The following CREB5 variants were observed in gnomAD, a reference collection of about 807,000 sequenced individuals.
CREB5 encodes cAMP responsive element binding protein 5, also known as cyclic AMP-responsive element-binding protein 5.
Under a neutral mutation model 57.1 loss-of-function variants are expected in CREB5, and 19 were observed. The observed-to-expected ratio is 0.33, with a 90% CI of 0.23 to 0.49. CREB5 has a LOEUF of 0.49. Ranked by LOEUF, CREB5 falls within the 20% of genes least tolerant of loss-of-function variation. The probability of loss-of-function intolerance (pLI) is 0.99; values close to 1 mark genes in which losing one functional copy is unlikely to be tolerated. For missense variants in CREB5, 579 were observed against 671.6 expected (o/e 0.86, Z 1.52); for synonymous variants, 238 against 238.3 (o/e 1.00, Z 0.01).
chr7:28,420,326 A>C (rs933250166), intron 1 of CREB5, among the ~76,000 whole-genome samples: 5 of 152,234 alleles, frequency 3.3e-5, no homozygotes, highest in African/African-American at 1.2e-4. Context: ...GCTTAAGAGT[A>C]AATCATGTGG....
chr7:28,760,616 C>T (rs1805588364), intron 7 of CREB5, among the ~76,000 whole-genome samples: 1 of 151,990 alleles, frequency 6.6e-6, no homozygotes, highest in African/African-American at 2.4e-5. Flanking sequence ...CACACAAAAA[C>T]CTATTTATGA....
intron 5 of CREB5, among the ~76,000 whole-genome samples, chr7:28,651,910 T>G (rs1799142716): frequency 6.6e-6 from 1 of 152,338 alleles, no homozygotes; most frequent in Middle Eastern, 3.4e-3. Flanking sequence ...TCATGAGAGC[T>G]GAATTCCAGT....
chr7:28,410,973 C>T (rs1352048764), upstream of CREB5, among the ~76,000 whole-genome samples: 2 of 152,140 alleles, frequency 1.3e-5, no homozygotes, highest in East Asian at 1.9e-4. Flanking sequence ...TCTAGCCCCG[C>T]CCCCGCCTTT....
At position 28,518,630 on chromosome 7, in the gene CREB5, C is replaced by A. The variant is rs1259385547; in HGVS notation, c.291+10893C>A. On this transcript the variant is annotated intron_variant, in intron 4 of 10. Transcript: ENST00000357727. ...ATGTGGTGGGCATGCGAGTCCCACC[C>A]TTGTAACCCCACTTGGTTGGTCTCC... is the stretch of plus-strand genomic sequence containing the variant. 3.9e-5 allele frequency among the ~76,000 whole-genome samples: 6 copies of A among 152,184 alleles called. No individual in the cohort carries two copies. In the South Asian group the frequency reaches 8.3e-4, roughly 21 times the overall value.
intron 5 of CREB5, among the ~76,000 whole-genome samples, chr7:28,599,722 G>GTGTTC (rs1554273181): frequency 2.7e-5 from 4 of 148,394 alleles, no homozygotes; most frequent in African/African-American, 1.0e-4. Context: ...GGAGACCCAG[G>GTGTTC]TGTTTTGTTT....
chr7:28,818,016 G>A, intron 9 of CREB5, 55 bp from the exon 10 acceptor site: 2 of 1,378,872 alleles, frequency 1.5e-6, no homozygotes, highest in Admixed American at 3.7e-5. Flanking sequence ...GCACAGGGCT[G>A]TGGGTTTGTA....
At chr7:28,536,416 TC>T (rs2128625175) in intron 4 of CREB5, among the ~76,000 whole-genome samples, 1 of 152,304 alleles carries the variant, frequency 6.6e-6, no homozygotes, top group South Asian at 2.1e-4. Flanking sequence ...ACTGCAGCGC[TC>T]CCTTCCAGCT....
At chr7:28,420,773 A>G (rs1241523009) in intron 1 of CREB5, among the ~76,000 whole-genome samples, 1 of 139,240 alleles carries the variant, frequency 7.2e-6, no homozygotes, top group Non-Finnish European at 1.5e-5. Context: ...GCACCATTGC[A>G]CTCTAGCCTG....
chr7:28,596,130 G>T (rs946614646), intron 5 of CREB5, among the ~76,000 whole-genome samples: 1 of 152,116 alleles, frequency 6.6e-6, no homozygotes, highest in African/African-American at 2.4e-5. Flanking sequence ...TGATGATATG[G>T]TGCAATTTTT....
intron 1 of CREB5, among the ~76,000 whole-genome samples, chr7:28,461,958 T>G (rs1034931233): frequency 1.3e-5 from 2 of 152,104 alleles, no homozygotes; most frequent in Non-Finnish European, 2.9e-5. Flanking sequence ...TACAATTTGG[T>G]GCATTTTAGT....
chr7:28,513,024 T>A (rs906966323), intron 4 of CREB5, among the ~76,000 whole-genome samples: 1 of 152,154 alleles, frequency 6.6e-6, no homozygotes, highest in African/African-American at 2.4e-5. Context: ...CAGGGCATGG[T>A]GGGGTCAGCC....
chr7:28,527,177 A>G lies in CREB5; in HGVS notation c.291+19440A>G, dbSNP rs139217657. On this transcript the variant is annotated intron_variant, in intron 4 of 10. Coordinates refer to ENST00000357727, the MANE Select transcript of CREB5 (RefSeq NM_182898.4). ...AACATCCAAGAAGTAGTTTGGGTCT[A>G]TCATAACCACCATGACTATCACTCC... Among the ~76,000 whole-genome samples the G allele has an allele frequency of 6.0e-4, 91 of 152,342 alleles. No individual in the cohort carries two copies. The East Asian group carries it at 0.015, about 26-fold the overall frequency.
At chr7:28,757,561 T>A (rs1230477265) in intron 7 of CREB5, among the ~76,000 whole-genome samples, 1 of 151,442 alleles carries the variant, frequency 6.6e-6, no homozygotes, top group Non-Finnish European at 1.5e-5. Context: ...TAGTCCCAGC[T>A]ACTCGGGAGG....
intron 5 of CREB5, among the ~76,000 whole-genome samples, chr7:28,620,636 CT>C (rs1797758427): frequency 6.6e-6 from 1 of 152,160 alleles, no homozygotes. Context: ...ATTCCCTCCT[CT>C]TTTCCATAAC....
chr7:28,637,792 A>T (rs1276334216), intron 5 of CREB5, among the ~76,000 whole-genome samples: 1 of 152,248 alleles, frequency 6.6e-6, no homozygotes, highest in Non-Finnish European at 1.5e-5. Flanking sequence ...ACTTATGTTT[A>T]AACATAAAAT....
At chr7:28,807,326 G>A (rs895346106) in intron 8 of CREB5, among the ~76,000 whole-genome samples, 1 of 152,200 alleles carries the variant, frequency 6.6e-6, no homozygotes, top group Non-Finnish European at 1.5e-5. Flanking sequence ...GCAGGCACCT[G>A]TAATCCCAGC....
At chr7:28,408,860 A>T (rs1349275568), upstream of CREB5, among the ~76,000 whole-genome samples, 1 of 152,146 alleles carries the variant, frequency 6.6e-6, no homozygotes, top group Non-Finnish European at 1.5e-5. Context: ...GCAAGCAAAA[A>T]GGAGCTGGAC....
At chr7:28,673,876 G>A (rs1800188570) in intron 5 of CREB5, among the ~76,000 whole-genome samples, 1 of 151,876 alleles carries the variant, frequency 6.6e-6, no homozygotes, top group South Asian at 2.1e-4. Flanking sequence ...GTCTCATCAT[G>A]TTGGCCAGGC....
intron 1 of CREB5, among the ~76,000 whole-genome samples, chr7:28,326,380 A>G (rs1785606946): frequency 6.6e-6 from 1 of 152,168 alleles, no homozygotes; most frequent in Non-Finnish European, 1.5e-5. Context: ...AAGTCCCTCC[A>G]TATGTAGCCA....
Sources: allele counts gnomAD v4.1 joint callset (sites outside exome capture counted in the v4.1 genomes callset), GRCh38; gene constraint gnomAD v4.1.1; transcripts MANE v1.5; gene names NCBI Gene and HGNC (gene_info 2026-07-23, HGNC 2026-07-21).